Variants in C1QTNF3 observed in about 807,000 individuals in gnomAD.
C1QTNF3 encodes complement C1q tumor necrosis factor-related protein 3.
A neutral mutation model predicts 32.6 loss-of-function variants in C1QTNF3; 26 were observed. That is an observed-to-expected ratio of 0.80 (90% CI 0.58 to 1.11). C1QTNF3 has a LOEUF of 1.11. C1QTNF3 is among the 50% of genes least tolerant of loss of function. C1QTNF3 has a pLI of 0.00. For synonymous variants in C1QTNF3, 155 were observed against 146.0 expected, an observed-to-expected ratio of 1.06 and a Z score of -0.44; for missense variants, 362 against 398.2, an observed-to-expected ratio of 0.91 and a Z score of 0.77.
the C1QTNF3 span, among the ~76,000 whole-genome samples, chr5:34,076,971 T>A: frequency 6.6e-6 from 1 of 151,738 alleles, no homozygotes; most frequent in Non-Finnish European, 1.5e-5. Flanking sequence ...ATAGGTAACT[T>A]AAACAAGGGA....
At chr5:34,140,371 T>C in the C1QTNF3 span, among the ~76,000 whole-genome samples, 1 of 152,162 alleles carries the variant, frequency 6.6e-6, no homozygotes, top group African/African-American at 2.4e-5. Flanking sequence ...GGACTCTGAG[T>C]TCTTAGAGAG....
At chr5:34,063,349 T>C in the C1QTNF3 span, among the ~76,000 whole-genome samples, 2 of 151,982 alleles carry the variant, frequency 1.3e-5, no homozygotes, top group South Asian at 2.1e-4. Flanking sequence ...TCTTTCTCTC[T>C]CCTCTGTCTC....
At chr5:34,124,430 A>T in the C1QTNF3 span, 1 of 716,458 alleles carries the variant, frequency 1.4e-6, no homozygotes, top group Admixed American at 2.0e-5. Flanking sequence ...GCTTCTGGAG[A>T]GGCCTCAGGG....
chr5:34,036,978 A>T (rs879900457), intron 1 of C1QTNF3, among the ~76,000 whole-genome samples: 1 of 152,226 alleles, frequency 6.6e-6, no homozygotes, highest in East Asian at 1.9e-4. Context: ...TGAAATGATT[A>T]TCTCACTGTT....
At chr5:34,111,954 C>T in the C1QTNF3 span, among the ~76,000 whole-genome samples, 1 of 152,176 alleles carries the variant, frequency 6.6e-6, no homozygotes, top group African/African-American at 2.4e-5. Flanking sequence ...CTGAGAAGTA[C>T]AGTCTCTCGG....
chr5:34,067,086 T>C, the C1QTNF3 span, among the ~76,000 whole-genome samples: 2 of 151,978 alleles, frequency 1.3e-5, no homozygotes, highest in Non-Finnish European at 2.9e-5. Flanking sequence ...ATAACAAGAG[T>C]CACATTTGCT....
At chr5:34,120,484 T>C in the C1QTNF3 span, among the ~76,000 whole-genome samples, 1 of 152,218 alleles carries the variant, frequency 6.6e-6, no homozygotes, top group Non-Finnish European at 1.5e-5. Flanking sequence ...ATGCCATATT[T>C]ACTTACTTAA....
the C1QTNF3 span, among the ~76,000 whole-genome samples, chr5:34,097,594 T>C: frequency 1.1e-5 from 1 of 88,238 alleles, no homozygotes; most frequent in Non-Finnish European, 2.3e-5. Context: ...TATACATAGA[T>C]CACACTGTAT....
At chr5:34,241,951 G>GGGAGGGAGGGAGGGAA in the C1QTNF3 span, among the ~76,000 whole-genome samples, 1 of 90,082 alleles carries the variant, frequency 1.1e-5, no homozygotes, top group Non-Finnish European at 2.6e-5. Context: ...AAGGGAGGGA[G>GGGAGGGAGGGAGGGAA]GGAAGGAAGG....
the C1QTNF3 span, among the ~76,000 whole-genome samples, chr5:34,062,136 G>A: frequency 6.6e-6 from 1 of 152,158 alleles, no homozygotes; most frequent in Non-Finnish European, 1.5e-5. Flanking sequence ...AATGCCACCA[G>A]TCTCTTTGCT....
the C1QTNF3 span, among the ~76,000 whole-genome samples, chr5:34,153,860 A>T: frequency 2.7e-5 from 4 of 149,570 alleles, no homozygotes; most frequent in Admixed American, 1.3e-4. Flanking sequence ...GTATAAAAAA[A>T]AAAAAAAAAA....
the C1QTNF3 span, among the ~76,000 whole-genome samples, chr5:34,111,776 TA>T: frequency 1.7e-4 from 26 of 152,248 alleles, no homozygotes; most frequent in Non-Finnish European, 2.8e-4. Flanking sequence ...GATACACAGC[TA>T]TTAGTGTTGC....
chr5:34,132,039 T>G, the C1QTNF3 span, among the ~76,000 whole-genome samples: 1 of 152,096 alleles, frequency 6.6e-6, no homozygotes, highest in Admixed American at 6.5e-5. Flanking sequence ...AGAAAAATAA[T>G]AAAAATTGTG....
rs1754268379 is a variant in C1QTNF3 at position 34,019,263 on chromosome 5, C to G, written c.*1320G>C. The stretch of plus-strand genomic sequence containing the variant: ...TGAAATCAGTCTTCCAAGTATATTT[C>G]TGGTCATGGGTAAATTGTGAAGGCA... On this transcript the variant is annotated 3_prime_UTR_variant, in exon 6 of 6. Coordinates refer to ENST00000382065, the MANE Select transcript of C1QTNF3 (RefSeq NM_181435.6). Among the ~76,000 whole-genome samples the G allele has an allele frequency of 6.6e-6, 1 of 152,124 alleles. No individual in the cohort carries two copies. The highest frequency in any genetic ancestry group is 2.4e-5 in the African/African-American group (1 of 41,450).
chr5:34,083,392 A>C, the C1QTNF3 span, among the ~76,000 whole-genome samples: 1 of 151,674 alleles, frequency 6.6e-6, no homozygotes, highest in Non-Finnish European at 1.5e-5. Context: ...GTAAGACAGG[A>C]GCTATGATAA....
chr5:34,178,434 G>A, the C1QTNF3 span, among the ~76,000 whole-genome samples: 1 of 152,096 alleles, frequency 6.6e-6, no homozygotes, highest in Admixed American at 6.5e-5. Flanking sequence ...GCAGTCCACT[G>A]TGGGTGGCTG....
At chr5:34,134,714 C>T in the C1QTNF3 span, among the ~76,000 whole-genome samples, 1 of 152,060 alleles carries the variant, frequency 6.6e-6, no homozygotes, top group East Asian at 1.9e-4. Flanking sequence ...CATGATTTGG[C>T]TCTCTGTTTG....
At chr5:34,134,765 T>C in the C1QTNF3 span, among the ~76,000 whole-genome samples, 7 of 152,230 alleles carry the variant, frequency 4.6e-5, no homozygotes, top group Admixed American at 2.0e-4. Flanking sequence ...TTTTTGCATA[T>C]TGATTTTGTA....
chr5:34,077,515 C>G, the C1QTNF3 span, among the ~76,000 whole-genome samples: 2 of 151,460 alleles, frequency 1.3e-5, no homozygotes, highest in Admixed American at 6.6e-5. Context: ...CCCATTTGTT[C>G]ATGAAAGTCA....
Sources: allele counts gnomAD v4.1 joint callset (sites outside exome capture counted in the v4.1 genomes callset), GRCh38; gene constraint gnomAD v4.1.1; transcripts MANE v1.5; gene names NCBI Gene and HGNC (gene_info 2026-07-23, HGNC 2026-07-21).